Variants in TPRG1 observed in about 807,000 individuals in gnomAD.
TPRG1 encodes tumor protein p63-regulated gene 1 protein.
In TPRG1, 29 loss-of-function variants were observed where a neutral mutation model predicts 29.3. The observed-to-expected ratio is 0.99, with a 90% CI of 0.74 to 1.35. TPRG1 has a LOEUF of 1.35. TPRG1 is among the 40% of genes most tolerant of loss of function. The pLI, the probability that TPRG1 is intolerant of heterozygous loss-of-function variation, is 0.00. For synonymous variants in TPRG1, 130 were observed against 116.8 expected (o/e 1.11, Z -0.73); for missense variants, 327 against 335.0 (o/e 0.98, Z 0.19).
chr3:189,126,301 A>T (rs1722481533), intron 1 of TPRG1, among the ~76,000 whole-genome samples: 1 of 152,194 alleles, frequency 6.6e-6, no homozygotes, highest in Non-Finnish European at 1.5e-5. Context: ...GTATTAAAAA[A>T]ATACCACTCT....
intron 1 of TPRG1, among the ~76,000 whole-genome samples, chr3:189,116,125 C>G (rs1721134768): frequency 6.6e-6 from 1 of 151,970 alleles, no homozygotes; most frequent in Admixed American, 6.6e-5. Flanking sequence ...TCCAGCAATT[C>G]TACTTTTGGA....
intron 4 of TPRG1, among the ~76,000 whole-genome samples, chr3:189,271,725 G>C (rs1715161737): frequency 6.6e-6 from 1 of 152,228 alleles, no homozygotes; most frequent in Admixed American, 6.5e-5. Context: ...CTTATGTAAA[G>C]TTAAACACAT....
At chr3:189,085,990 C>T (rs980942504) in intron 4 of TPRG1, among the ~76,000 whole-genome samples, 3 of 152,080 alleles carry the variant, frequency 2.0e-5, no homozygotes, top group Non-Finnish European at 2.9e-5. Context: ...TGACTCACAC[C>T]ATCGCAAGAT....
intron 1 of TPRG1, among the ~76,000 whole-genome samples, chr3:189,197,378 T>C (rs1732719145): frequency 1.3e-5 from 2 of 152,182 alleles, no homozygotes. Context: ...ATCCTGTCTT[T>C]CTATATTTTT....
rs932211248 is a variant in TPRG1, at chr3:189,322,186, A to T, written c.*1366A>T. 11 of 152,062 alleles carry T rather than the reference A, an allele frequency of 7.2e-5. No homozygotes were observed. The highest frequency in any genetic ancestry group is 2.7e-4 in the African/African-American group (11 of 41,420). 9.4% of individuals were successfully genotyped at this position (152,062 alleles called of 1,614,324 possible). On this transcript the variant is annotated 3_prime_UTR_variant, in exon 6 of 6. Transcript: ENST00000345063. ...ATTGACACATCTTTGTTGATGTTTA[A>T]GTTGAAATTCCAGCCAACTTTTTTT...
chr3:189,056,091 TC>T (rs1715675147), intron 4 of TPRG1, among the ~76,000 whole-genome samples: 1 of 138,358 alleles, frequency 7.2e-6, no homozygotes, highest in Admixed American at 7.4e-5. Context: ...CTTCCTTCCT[TC>T]CTTCCTTCCC....
rs73055999 is a variant in TPRG1, at chr3:189,295,242, G to A, written c.480-15144G>A. 8.2e-3 allele frequency among the ~76,000 whole-genome samples: 1,247 copies of A among 152,080 alleles called. 30 individuals carry two copies. The highest frequency in any genetic ancestry group is 0.029 in the African/African-American group (1,189 of 41,466). On this transcript the variant is annotated intron_variant, in intron 4 of 5. Transcript: ENST00000345063. ...TTTTCTCCTGTCTTTCTTAGAACCCGTATCTTTCCTAGTAGACTGTGAGCA... is the reference window on the plus strand; with the variant it reads ...TTTTCTCCTGTCTTTCTTAGAACCCATATCTTTCCTAGTAGACTGTGAGCA...
chr3:189,243,334 C>T (rs1464749543), intron 4 of TPRG1, among the ~76,000 whole-genome samples: 1 of 152,120 alleles, frequency 6.6e-6, no homozygotes, highest in Non-Finnish European at 1.5e-5. Flanking sequence ...CTAAATCTGC[C>T]CTCATAATCC....
intron 2 of TPRG1, among the ~76,000 whole-genome samples, chr3:189,129,267 TG>T (rs1722841707): frequency 6.6e-6 from 1 of 152,198 alleles, no homozygotes; most frequent in African/African-American, 2.4e-5. Context: ...TGAAGAGTAC[TG>T]ATGAGTTATT....
At chr3:189,076,562 A>G (rs1717186097) in intron 4 of TPRG1, among the ~76,000 whole-genome samples, 1 of 152,158 alleles carries the variant, frequency 6.6e-6, no homozygotes, top group African/African-American at 2.4e-5. Context: ...TACTTGTATA[A>G]AAACAGAATG....
At chr3:189,142,411 G>A (rs1284116801) in intron 3 of TPRG1, among the ~76,000 whole-genome samples, 3 of 152,092 alleles carry the variant, frequency 2.0e-5, no homozygotes, top group African/African-American at 7.2e-5. Context: ...GGAGAGGGTA[G>A]AGGCATGCCT....
At chr3:189,034,147 G>T (rs1025993496) in intron 4 of TPRG1, among the ~76,000 whole-genome samples, 1 of 151,978 alleles carries the variant, frequency 6.6e-6, no homozygotes, top group African/African-American at 2.4e-5. Flanking sequence ...AATGAAAGTT[G>T]AGAGGAAAAA....
Position 189,283,653 on chromosome 3 carries a change from A to G in TPRG1, c.480-26733A>G, listed in dbSNP as rs76124065. Among the ~76,000 whole-genome samples the G allele has an allele frequency of 7.7e-3, 1,168 of 152,354 alleles. 17 individuals carry two copies. Among genetic ancestry groups the G allele is most frequent in the African/African-American group, 0.027 (1,127 of 41,578 alleles). ...GGTTTTCTGTTGGGGAACGATCAGCAGTGACTGGTCAGTTGTTGATTTCAT... is the reference window on the plus strand; with the variant it reads ...GGTTTTCTGTTGGGGAACGATCAGCGGTGACTGGTCAGTTGTTGATTTCAT... On this transcript the variant is annotated intron_variant, in intron 4 of 5. Coordinates refer to ENST00000345063, the MANE Select transcript of TPRG1 (RefSeq NM_198485.4).
chr3:189,013,496 G>C (rs1434160262), intron 3 of TPRG1, among the ~76,000 whole-genome samples: 1 of 152,102 alleles, frequency 6.6e-6, no homozygotes, highest in Non-Finnish European at 1.5e-5. Flanking sequence ...TGTATATTCT[G>C]TTGTTTTGGG....
In TPRG1 at chr3:189,287,214, A is replaced by G. The variant is rs968794849; in HGVS notation, c.480-23172A>G. On this transcript the variant is annotated intron_variant, in intron 4 of 5. Coordinates refer to ENST00000345063, the MANE Select transcript of TPRG1 (RefSeq NM_198485.4). ...GGAGGCAAAGAGCTTTCTCCCAGTG[A>G]CGCTTTGCCTTTTACAATTGAAGAA... Among the ~76,000 whole-genome samples the G allele has an allele frequency of 5.9e-5, 9 of 152,188 alleles. No individual in the cohort carries two copies. The East Asian group carries it at 1.7e-3, about 29-fold the overall frequency.
rs148788771 is a variant in TPRG1, at chr3:189,133,185, T to A, written c.-291+488T>A. Among the ~76,000 whole-genome samples, 74 of 152,212 alleles carry A rather than the reference T, an allele frequency of 4.9e-4. 1 individual carries two copies. In the East Asian group the frequency reaches 0.012, roughly 24 times the overall value. ...AATAAGGAAGTAGAAGAAATAAAACTGGAAAGAGACTGGGATCAGATCTGG... is the reference window on the plus strand; with the variant it reads ...AATAAGGAAGTAGAAGAAATAAAACAGGAAAGAGACTGGGATCAGATCTGG... On this transcript the variant is annotated intron_variant, in intron 3 of 6. Coordinates refer to the TPRG1 transcript ENST00000412373.
chr3:189,164,499 G>A (rs1484493352), intron 5 of TPRG1, among the ~76,000 whole-genome samples: 2 of 151,908 alleles, frequency 1.3e-5, no homozygotes, highest in East Asian at 1.9e-4. Context: ...TTTTTGGCTC[G>A]AAACACAGTT....
chr3:189,165,265 T>A (rs1386266919), intron 5 of TPRG1, among the ~76,000 whole-genome samples: 1 of 151,908 alleles, frequency 6.6e-6, no homozygotes, highest in Non-Finnish European at 1.5e-5. Context: ...CAACTTTGCC[T>A]GCCGCCCAGT....
chr3:189,063,571 G>A (rs1716253820), intron 4 of TPRG1, among the ~76,000 whole-genome samples: 1 of 151,922 alleles, frequency 6.6e-6, no homozygotes, highest in Non-Finnish European at 1.5e-5. Context: ...TGTTTTCTCT[G>A]ACTACAATGG....
Sources: gnomAD v4.1 joint callset for allele counts (sites outside exome capture counted in the v4.1 genomes callset) on GRCh38, gnomAD v4.1.1 for gene constraint, MANE v1.5 for transcripts, NCBI Gene and HGNC (gene_info 2026-07-23, HGNC 2026-07-21) for gene names.